DDAH1: variants seen among roughly 807,000 people sequenced by gnomAD.
DDAH1 encodes the protein dimethylarginine dimethylaminohydrolase 1.
In DDAH1, 19 loss-of-function variants were observed where a neutral mutation model predicts 28.8. The ratio of observed to expected loss-of-function variants is 0.66; its 90% confidence interval spans 0.46 to 0.97. The LOEUF (loss-of-function observed/expected upper bound fraction) is 0.97, where lower values mean the gene tolerates loss of function less well. Ranked by LOEUF, DDAH1 falls within the 50% of genes least tolerant of loss-of-function variation. DDAH1 has a pLI of 0.00. For synonymous variants in DDAH1, 153 were observed against 154.4 expected, an observed-to-expected ratio of 0.99 and a Z score of 0.07; for missense variants, 326 against 375.9, an observed-to-expected ratio of 0.87 and a Z score of 1.10.
chr1:85,461,846 A>G (rs1655136931), intron 1 of DDAH1, among the ~76,000 whole-genome samples: 2 of 152,220 alleles, frequency 1.3e-5, no homozygotes, highest in Non-Finnish European at 2.9e-5. Flanking sequence ...TTAGGAGCTC[A>G]TAAAAGGAGA....
intron 2 of DDAH1, among the ~76,000 whole-genome samples, chr1:85,473,483 G>A (rs893672016): frequency 6.6e-6 from 1 of 151,888 alleles, no homozygotes; most frequent in Non-Finnish European, 1.5e-5. Context: ...GTATATGTAT[G>A]TGTACACACA....
chr1:85,368,510 G>C (rs1650195684), intron 1 of DDAH1, among the ~76,000 whole-genome samples: 1 of 152,132 alleles, frequency 6.6e-6, no homozygotes, highest in Admixed American at 6.6e-5. Context: ...CAAGGCAGGA[G>C]CTCTGCTGGT....
At position 85,464,937 on chromosome 1, in the gene DDAH1, C is replaced by T; in HGVS notation, c.109G>A (p.Glu37Lys). 6.5e-7 allele frequency: 1 copy of T among 1,537,422 alleles called. No homozygotes were observed. Among genetic ancestry groups the T allele is most frequent in the Non-Finnish European group, 8.7e-7 (1 of 1,152,592 alleles). ...QHALRSAKGEEVDVARAERQH... is the reference protein window; with the variant it reads ...QHALRSAKGEKVDVARAERQH... The stretch of plus-strand genomic sequence containing the variant: ...CGTTCCGCGCGGGCGACGTCCACCT[C>T]CTCGCCCTTGGCGCTTCTCAGCGCG... The change falls in exon 1 of 6, where the codon GAG (glutamate) becomes AAG (lysine). Residue 37 changes from glutamate (E) to lysine (K), a missense_variant. Coordinates refer to ENST00000284031, the MANE Select transcript of DDAH1 (RefSeq NM_012137.4). The surrounding 1 kb of genome is among the most constrained non-coding windows in gnomAD (Gnocchi z 4.4).
chr1:85,512,813 A>G (rs1272001516), intron 1 of DDAH1, among the ~76,000 whole-genome samples: 1 of 152,216 alleles, frequency 6.6e-6, no homozygotes, highest in Non-Finnish European at 1.5e-5. Context: ...GGACCTCTTC[A>G]AGGAGAACTA....
intron 1 of DDAH1, among the ~76,000 whole-genome samples, chr1:85,422,691 C>G (rs1350563358): frequency 6.6e-6 from 1 of 152,100 alleles, no homozygotes; most frequent in Non-Finnish European, 1.5e-5. Context: ...TGAATTGAGT[C>G]CCCCTAAAAT....
chr1:85,410,949 C>T (rs1473296353), intron 1 of DDAH1, among the ~76,000 whole-genome samples: 4 of 152,050 alleles, frequency 2.6e-5, no homozygotes. Flanking sequence ...GGGAGGGAGA[C>T]AGTATAAAAG....
chr1:85,565,591 A>T (rs1659274113), intron 1 of DDAH1, among the ~76,000 whole-genome samples: 1 of 152,114 alleles, frequency 6.6e-6, no homozygotes, highest in Admixed American at 6.5e-5. Flanking sequence ...AAAAGAAAAT[A>T]AAAAAAAGTT....
At chr1:85,555,379 G>A (rs1658931426) in intron 1 of DDAH1, among the ~76,000 whole-genome samples, 4 of 152,314 alleles carry the variant, frequency 2.6e-5, no homozygotes, top group Admixed American at 2.0e-4. Context: ...ATTGTCCTTA[G>A]GAAGGTTACG....
chr1:85,573,526 CAAG>C (rs1426202784), intron 1 of DDAH1, among the ~76,000 whole-genome samples: 16 of 152,262 alleles, frequency 1.1e-4, no homozygotes, highest in African/African-American at 3.1e-4. Flanking sequence ...TATCACAAAA[CAAG>C]AAGTTCTGTA....
chr1:85,567,625 G>C (rs1287705701), intron 1 of DDAH1, among the ~76,000 whole-genome samples: 1 of 152,118 alleles, frequency 6.6e-6, no homozygotes, highest in African/African-American at 2.4e-5. Flanking sequence ...GACTAATTAT[G>C]AAATGAAAGA....
At chr1:85,411,332 A>G (rs1249341194) in intron 1 of DDAH1, among the ~76,000 whole-genome samples, 2 of 152,200 alleles carry the variant, frequency 1.3e-5, no homozygotes, top group Non-Finnish European at 2.9e-5. Flanking sequence ...AAAACAAACG[A>G]CAAGTGTTAA....
At chr1:85,513,199 C>T (rs572693847) in intron 1 of DDAH1, among the ~76,000 whole-genome samples, 13 of 152,158 alleles carry the variant, frequency 8.5e-5, no homozygotes, top group South Asian at 4.1e-4. Context: ...TAACACCACA[C>T]GTCTACAACC....
chr1:85,464,504 G>A lies in DDAH1; in HGVS notation c.303+239C>T, dbSNP rs1433406064. ...ATCCCCCGCCCACCCACCTGCCCGA[G>A]ACCGTACAACCACATTGAATCGGAT... On this transcript the variant is annotated intron_variant, in intron 1 of 5. Coordinates refer to ENST00000284031, the MANE Select transcript of DDAH1 (RefSeq NM_012137.4). The surrounding 1 kb of genome is among the most constrained non-coding windows in gnomAD (Gnocchi z 4.4). 1 of 1,525,028 alleles carries A rather than the reference G, an allele frequency of 6.6e-7. No individual in the cohort carries two copies. Among genetic ancestry groups the A allele is most frequent in the Non-Finnish European group, 8.8e-7 (1 of 1,140,538 alleles). The allele number at this position is 1,525,028 out of a possible 1,614,324, so 94.5% of individuals were successfully genotyped here. A position where few individuals can be genotyped will look rare whatever the true frequency, so the allele number is the denominator to read the frequency against.
chr1:85,506,148 G>A (rs1419629782), intron 1 of DDAH1, among the ~76,000 whole-genome samples: 5 of 152,222 alleles, frequency 3.3e-5, no homozygotes, highest in Admixed American at 3.3e-4. Flanking sequence ...GTGCACTAAA[G>A]AGAGAGCCCC....
chr1:85,324,074 G>A (rs12140272), intron 5 of DDAH1, among the ~76,000 whole-genome samples: 31,244 of 150,422 alleles, frequency 0.21, 3,333 homozygotes, highest in African/African-American at 0.24. Context: ...ATTTGATACC[G>A]GCCTGGGCAA....
At chr1:85,407,518 A>G (rs1281731052) in intron 1 of DDAH1, among the ~76,000 whole-genome samples, 3 of 152,232 alleles carry the variant, frequency 2.0e-5, no homozygotes, top group Non-Finnish European at 4.4e-5. Context: ...GAATTATAAT[A>G]TCTTGCTTTT....
rs574326063 is a variant in DDAH1, at chr1:85,536,312, T to C, written c.-122-40031A>G. On this transcript the variant is annotated intron_variant, in intron 1 of 6. Transcript: ENST00000426972. Reference sequence around the variant, plus strand: ...GCTCACACCTGTAATCCCAGCACTTTGGGAGGTGGAGGTGGGTGGATCACG... The same window carrying C: ...GCTCACACCTGTAATCCCAGCACTTCGGGAGGTGGAGGTGGGTGGATCACG... Among the ~76,000 whole-genome samples the C allele has an allele frequency of 6.6e-5, 10 of 152,036 alleles. No homozygotes were observed. The South Asian group carries it at 2.1e-3, about 32-fold the overall frequency.
chr1:85,444,940 T>A (rs1379159721), intron 1 of DDAH1, among the ~76,000 whole-genome samples: 1 of 152,146 alleles, frequency 6.6e-6, no homozygotes, highest in Non-Finnish European at 1.5e-5. Flanking sequence ...ATTGGTAGGC[T>A]GAGGAGCAAG....
intron 1 of DDAH1, among the ~76,000 whole-genome samples, chr1:85,460,413 C>A (rs1444105405): frequency 6.6e-6 from 1 of 152,122 alleles, no homozygotes; most frequent in African/African-American, 2.4e-5. Flanking sequence ...CCTGAAGAGG[C>A]CCCTACAAAT....
Sources: allele counts gnomAD v4.1 joint callset (sites outside exome capture counted in the v4.1 genomes callset), GRCh38; gene constraint gnomAD v4.1.1; non-coding constraint Gnocchi (gnomAD v3.1); transcripts MANE v1.5; gene names NCBI Gene and HGNC (gene_info 2026-07-23, HGNC 2026-07-21).